GREB1: variants seen among roughly 807,000 people sequenced by gnomAD.
GREB1 encodes the protein growth regulating estrogen receptor binding 1.
A neutral mutation model predicts 200.7 loss-of-function variants in GREB1; 106 were observed. The ratio of observed to expected loss-of-function variants is 0.53; its 90% CI spans 0.45 to 0.62. The LOEUF is 0.62. Ranked by LOEUF, GREB1 falls within the 20% of genes least tolerant of loss-of-function variation. The pLI is 0.00. For synonymous variants in GREB1, 1,132 were observed against 1,092.4 expected, an observed-to-expected ratio of 1.04 and a Z score of -0.72; for missense variants, 2,243 against 2,556.8, an observed-to-expected ratio of 0.88 and a Z score of 2.65.
At position 11,627,151 on chromosome 2, in the gene GREB1, T is replaced by C. The variant is rs772426633; in HGVS notation, c.4449+47T>C. The stretch of plus-strand genomic sequence containing the variant: ...CCAGGCATTTCACCTTGGCTCACAT[T>C]GTCCGTTCCCCTGCTCTCTCACGCT... On this transcript the variant is annotated intron_variant, in intron 25 of 32. Transcript: ENST00000381486. 1.1e-5 allele frequency: 17 copies of C among 1,510,900 alleles called. No homozygotes were observed. The Admixed American group carries it at 3.4e-4, about 30-fold the overall frequency. The allele number at this position is 1,510,900 out of a possible 1,614,324, so 93.6% of individuals were successfully genotyped here.
rs750893167 is a variant in GREB1 at position 11,632,896 on chromosome 2, T to C, written c.4824T>C (p.Ala1608=). ...SIFNSAGVGA[A]HFLIKELSYH... ...GTGCTTTGCCCACTGCAGGTGCTGC[T>C]CATTTCCTCATCAAGGAGCTGTCCT... The change falls in exon 28 of 33, where the codon GCT becomes GCC. Residue 1608 remains alanine, a synonymous_variant. Coordinates refer to ENST00000381486, the MANE Select transcript of GREB1 (RefSeq NM_014668.4). 44 of 1,613,718 alleles carry C rather than the reference T, an allele frequency of 2.7e-5. 1 individual carries two copies. The South Asian group carries it at 4.8e-4, about 18-fold the overall frequency.
intron 1 of GREB1, among the ~76,000 whole-genome samples, chr2:11,517,958 A>G (rs377702865): frequency 2.0e-5 from 3 of 152,320 alleles, no homozygotes; most frequent in South Asian, 4.1e-4. Context: ...CAGCAGTTTA[A>G]AGATGCTGGT....
Position 11,588,819 on chromosome 2 carries a change from C to G in GREB1, c.1233C>G (p.Tyr411Ter). 1 of 1,614,146 alleles carries G rather than the reference C, an allele frequency of 6.2e-7. No individual in the cohort carries two copies. Among genetic ancestry groups the G allele is most frequent in the Non-Finnish European group, 8.5e-7 (1 of 1,179,970 alleles). The change falls in exon 10 of 33, where the codon TAC (tyrosine) becomes TAG (stop). Residue 411 changes from tyrosine to a stop codon, truncating the protein, a stop_gained. Coordinates refer to ENST00000381486, the MANE Select transcript of GREB1 (RefSeq NM_014668.4). LOFTEE classifies it high-confidence loss of function. ...VVVSPLLYTC[Y>*]QNSQSVSRAY... Reference sequence around the variant, plus strand: ...TCAGCCCCCTCTTGTACACGTGCTACCAGAATTCCCAGTCTGTCTCACGGG... The same window carrying G: ...TCAGCCCCCTCTTGTACACGTGCTAGCAGAATTCCCAGTCTGTCTCACGGG...
intron 16 of GREB1, among the ~76,000 whole-genome samples, chr2:11,601,400 C>A (rs1319497397): frequency 6.6e-6 from 1 of 152,208 alleles, no homozygotes; most frequent in African/African-American, 2.4e-5. Context: ...CCTATCCCTG[C>A]ATCCTTAAGT....
Position 11,492,984 on chromosome 2 carries a change from C to T in GREB1, c.-159+10603C>T, listed in dbSNP as rs1672803875. Among the ~76,000 whole-genome samples, 1 of 152,210 alleles carries T rather than the reference C, an allele frequency of 6.6e-6. No individual in the cohort carries two copies. The highest frequency in any genetic ancestry group is 1.5e-5 in the Non-Finnish European group (1 of 68,030). On this transcript the variant is annotated intron_variant, in intron 1 of 2. Coordinates refer to the GREB1 transcript ENST00000628795. The surrounding 1 kb of genome is among the most constrained non-coding windows in gnomAD (Gnocchi z 4.0). The stretch of plus-strand genomic sequence containing the variant: ...CTGAGGCTCAGCAGCTGGAGATATC[C>T]TGTCAGGAAGCAGAGCCCAAGTCCC...
intron 1 of GREB1, chr2:11,542,574 A>C (rs917126484): frequency 8.3e-6 from 1 of 120,154 alleles, no homozygotes; most frequent in South Asian, 3.0e-4. Context: ...CTGTGGCCCC[A>C]GGGAGAACAA....
chr2:11,575,623 C>T (rs1678769674), intron 4 of GREB1, among the ~76,000 whole-genome samples: 1 of 152,226 alleles, frequency 6.6e-6, no homozygotes, highest in African/African-American at 2.4e-5. Context: ...CCACGGAATT[C>T]ACTCACCAGC....
At chr2:11,532,727 G>A (rs994222757), upstream of GREB1, among the ~76,000 whole-genome samples, 5 of 152,286 alleles carry the variant, frequency 3.3e-5, no homozygotes, top group African/African-American at 4.8e-5. Flanking sequence ...TCTTCCCAGC[G>A]ATGTGTGTGC....
intron 1 of GREB1, among the ~76,000 whole-genome samples, chr2:11,485,259 T>TTATTTTATTTTATTTTA (rs1368326346): frequency 4.1e-4 from 51 of 124,188 alleles, no homozygotes; most frequent in African/African-American, 1.6e-3. Flanking sequence ...TTATTTTATT[T>TTATTTTATTTTATTTTA]TATATATATA....
At chr2:11,491,494 A>T (rs1423205978) in intron 1 of GREB1, among the ~76,000 whole-genome samples, 1 of 152,224 alleles carries the variant, frequency 6.6e-6, no homozygotes, top group Non-Finnish European at 1.5e-5. Context: ...CCAATGACTT[A>T]ATTCTTACCT....
At chr2:11,624,621 A>G (rs374465848) in intron 23 of GREB1, among the ~76,000 whole-genome samples, 5 of 152,286 alleles carry the variant, frequency 3.3e-5, no homozygotes, top group African/African-American at 1.2e-4. Flanking sequence ...CTGGGATTAC[A>G]GGCATGAGCC....
intron 1 of GREB1, among the ~76,000 whole-genome samples, chr2:11,550,401 T>G (rs1675697455): frequency 6.6e-6 from 1 of 152,192 alleles, no homozygotes; most frequent in Non-Finnish European, 1.5e-5. Context: ...GAAGGGACAT[T>G]GCGTCATTTG....
At chr2:11,561,291 A>G (rs1676998703) in intron 2 of GREB1, 1 of 152,078 alleles carries the variant, frequency 6.6e-6, no homozygotes, top group Non-Finnish European at 1.5e-5. Flanking sequence ...ACCCTGTTAT[A>G]GAATGGCTAT....
chr2:11,636,089 G>A (rs185281679), intron 30 of GREB1, among the ~76,000 whole-genome samples: 8 of 152,308 alleles, frequency 5.3e-5, no homozygotes, highest in African/African-American at 1.7e-4. Flanking sequence ...AGGTGGGCTG[G>A]GTCTGAATTG....
In GREB1 at chr2:11,493,989, G is replaced by T. The variant is rs1428585283; in HGVS notation, c.-159+11608G>T. The stretch of plus-strand genomic sequence containing the variant: ...ATGAAAGAAGAAATGAACAGTTGCT[G>T]ACCTTTTCCCGAGTCCAGGTACCTT... On this transcript the variant is annotated intron_variant, in intron 1 of 2. Transcript: ENST00000628795. The surrounding 1 kb of genome is among the most constrained non-coding windows in gnomAD (Gnocchi z 4.6). Among the ~76,000 whole-genome samples, 4 of 152,228 alleles carry T rather than the reference G, an allele frequency of 2.6e-5. No homozygotes were observed. Among genetic ancestry groups the T allele is most frequent in the Non-Finnish European group, 5.9e-5 (4 of 68,038 alleles).
chr2:11,621,183 T>C (rs2304401), intron 23 of GREB1, among the ~76,000 whole-genome samples, 176 bp downstream of exon 23: 142,610 of 152,256 alleles, frequency 0.94, 66,916 homozygotes, highest in African/African-American at 0.96. Context: ...AGTATCAGGC[T>C]TTTGCTGTAG....
intron 32 of GREB1, among the ~76,000 whole-genome samples, chr2:11,639,644 G>A (rs1357233469): frequency 6.6e-6 from 1 of 152,228 alleles, no homozygotes; most frequent in Non-Finnish European, 1.5e-5. Context: ...TTTCCTTGGT[G>A]GCCCTTGGCT....
chr2:11,607,527 T>TAC (rs1187933507), intron 17 of GREB1, among the ~76,000 whole-genome samples: 5 of 92,500 alleles, frequency 5.4e-5, no homozygotes, highest in African/African-American at 2.2e-4. Flanking sequence ...TACATATATA[T>TAC]ACACATATAT....
intron 4 of GREB1, among the ~76,000 whole-genome samples, chr2:11,575,883 C>T (rs1678799432): frequency 6.6e-6 from 1 of 152,208 alleles, no homozygotes; most frequent in Middle Eastern, 3.2e-3. Context: ...TTGCTCTCTA[C>T]ATAGGTGTTT....
Sources: allele counts gnomAD v4.1 joint callset (sites outside exome capture counted in the v4.1 genomes callset), GRCh38; gene constraint gnomAD v4.1.1; non-coding constraint Gnocchi (gnomAD v3.1); transcripts MANE v1.5; gene names NCBI Gene and HGNC (gene_info 2026-07-23, HGNC 2026-07-21).